Variants in TNRC6C observed in about 807,000 individuals in gnomAD.
TNRC6C encodes the protein trinucleotide repeat-containing gene 6C protein.
Under a neutral mutation model 153.7 loss-of-function variants are expected in TNRC6C, and 20 were observed. That is an observed-to-expected ratio of 0.13 (90% CI 0.09 to 0.19). TNRC6C has a LOEUF of 0.19. Among genes scored for constraint, TNRC6C ranks in the 10% least tolerant of loss-of-function variants. TNRC6C has a pLI of 1.00. For synonymous variants in TNRC6C, 811 were observed against 841.4 expected (o/e 0.96, Z 0.63); for missense variants, 1,987 against 2,172.0 (o/e 0.91, Z 1.69).
At chr17:77,967,610 A>G (rs1314775619) in intron 1 of TNRC6C, among the ~76,000 whole-genome samples, 1 of 152,188 alleles carries the variant, frequency 6.6e-6, no homozygotes, top group African/African-American at 2.4e-5. Flanking sequence ...AGGAGTGGCT[A>G]GTTCCTTTTC....
intron 13 of TNRC6C, among the ~76,000 whole-genome samples, chr17:78,088,959 CTTTTTTTTTTTTTTTT>C (rs59304499): frequency 2.3e-5 from 2 of 86,758 alleles, no homozygotes; most frequent in African/African-American, 4.3e-5. Flanking sequence ...CTTATCGTTA[CTTTTTTTTTTTTTTTT>C]TTTTTTTTTT....
chr17:78,045,970 C>T (rs538995800), intron 2 of TNRC6C, among the ~76,000 whole-genome samples: 36 of 151,926 alleles, frequency 2.4e-4, no homozygotes, highest in Admixed American at 1.3e-3. Context: ...GGTCCCCATC[C>T]CACCCCCAGA....
At chr17:78,027,117 C>T (rs988380284) in intron 1 of TNRC6C, among the ~76,000 whole-genome samples, 11 of 151,992 alleles carry the variant, frequency 7.2e-5, no homozygotes, top group Admixed American at 5.2e-4. Flanking sequence ...CAGGAGTGGC[C>T]GTCGCTGATA....
intron 1 of TNRC6C, among the ~76,000 whole-genome samples, chr17:78,015,789 G>T (rs1191759391): frequency 6.6e-6 from 1 of 152,116 alleles, no homozygotes; most frequent in Non-Finnish European, 1.5e-5. Context: ...GTGGGCGCCT[G>T]TGATCCCAGC....
In TNRC6C at chr17:78,079,510, G is replaced by A. The variant is rs1042346737; in HGVS notation, c.3326G>A (p.Arg1109His). The change falls in exon 10 of 20, where the codon CGT becomes CAT. Residue 1109 changes from arginine to histidine, a missense_variant. Arg to His is a conservative substitution (Grantham distance 29, BLOSUM62 0). This residue lies in a region of TNRC6C where 765 missense variants were observed against 908.6 expected (regional missense o/e 0.84). Coordinates refer to ENST00000301624, the Ensembl canonical transcript of TNRC6C. This position sits in a 1 kb window ranked among gnomAD's most constrained non-coding sequence, Gnocchi z 4.3. The stretch of plus-strand genomic sequence containing the variant: ...CTTAACTCTTCCCAGCCCAGTCTCC[G>A]TGCTCAAGTGCCTCAGTTTCTATCC... The A allele has an allele frequency of 2.5e-6, 4 of 1,613,792 alleles. No individual in the cohort carries two copies. The highest frequency in any genetic ancestry group is 1.1e-5 in the South Asian group (1 of 91,076).
At chr17:77,991,958 G>C (rs2071257715) in intron 1 of TNRC6C, among the ~76,000 whole-genome samples, 1 of 152,190 alleles carries the variant, frequency 6.6e-6, no homozygotes, top group Non-Finnish European at 1.5e-5. Flanking sequence ...GAGGTCCTCT[G>C]AGCTTCATCC....
intron 1 of TNRC6C, among the ~76,000 whole-genome samples, chr17:77,963,160 T>C (rs1191797485): frequency 6.6e-6 from 1 of 152,246 alleles, no homozygotes; most frequent in Admixed American, 6.5e-5. Flanking sequence ...TTTCAGCTTA[T>C]ACATAACTTT....
chr17:78,054,447 GACTACTGTAT>G (rs1567940890), intron 3 of TNRC6C, among the ~76,000 whole-genome samples: 7 of 151,336 alleles, frequency 4.6e-5, no homozygotes, highest in Non-Finnish European at 2.9e-5. Context: ...AACCACTGCA[GACTACTGTAT>G]ACTACTGCAG....
intron 1 of TNRC6C, among the ~76,000 whole-genome samples, chr17:77,994,426 C>A (rs982474913): frequency 3.9e-5 from 6 of 152,116 alleles, no homozygotes; most frequent in African/African-American, 1.4e-4. Flanking sequence ...CCTGCTCTCC[C>A]AAATTAAAAT....
intron 1 of TNRC6C, among the ~76,000 whole-genome samples, chr17:78,020,513 A>C (rs752207850): frequency 6.6e-6 from 1 of 152,250 alleles, no homozygotes; most frequent in South Asian, 2.1e-4. Flanking sequence ...GTAATTATTT[A>C]GCGGTTTCTG....
exon 2 of TNRC6C, chr17:78,031,685 C>G: frequency 8.1e-7 from 1 of 1,232,346 alleles, no homozygotes; most frequent in Non-Finnish European, 1.0e-6. Context: ...CACGCTTCCG[C>G]CAGCAAGAAC....
At chr17:77,995,449 CAG>C (rs2071313780) in intron 1 of TNRC6C, among the ~76,000 whole-genome samples, 1 of 152,218 alleles carries the variant, frequency 6.6e-6, no homozygotes, top group East Asian at 1.9e-4. Flanking sequence ...TTAAAGGTCA[CAG>C]ATCCATTTTC....
At chr17:78,088,998 T>G (rs2073348518) in intron 13 of TNRC6C, among the ~76,000 whole-genome samples, 1 of 146,876 alleles carries the variant, frequency 6.8e-6, no homozygotes, top group Non-Finnish European at 1.5e-5. Flanking sequence ...GATAGAGTCT[T>G]GCTCTGTTGC....
intron 1 of TNRC6C, among the ~76,000 whole-genome samples, chr17:77,962,016 A>G (rs755874890): frequency 6.6e-6 from 1 of 152,178 alleles, no homozygotes; most frequent in Non-Finnish European, 1.5e-5. Context: ...TTGGAAAGAA[A>G]TGGAAGACAC....
intron 1 of TNRC6C, among the ~76,000 whole-genome samples, chr17:77,985,075 A>G (rs2071142843): frequency 6.6e-6 from 1 of 152,236 alleles, no homozygotes; most frequent in African/African-American, 2.4e-5. Flanking sequence ...GTTGCTGTCT[A>G]AAGCTACGCC....
intron 18 of TNRC6C, 74 bp from the exon 22 acceptor site, chr17:78,103,340 G>GT (rs1224170784): frequency 6.8e-5 from 106 of 1,562,170 alleles, no homozygotes; most frequent in Non-Finnish European, 8.3e-5. Flanking sequence ...AATTTCATAC[G>GT]TTTTTTCTTT....
intron 1 of TNRC6C, among the ~76,000 whole-genome samples, chr17:78,030,313 C>T (rs1567924136): frequency 1.4e-5 from 2 of 142,994 alleles, no homozygotes; most frequent in Non-Finnish European, 3.1e-5. Flanking sequence ...CCACACCTGG[C>T]TTGTGTGTGT....
intron 14 of TNRC6C, 68 bp downstream of exon 16, chr17:78,091,675 A>G (rs2073397034): frequency 7.6e-7 from 1 of 1,320,784 alleles, no homozygotes. Flanking sequence ...CCTGTTGTAT[A>G]GCATGGCCAT....
intron 1 of TNRC6C, among the ~76,000 whole-genome samples, chr17:78,027,285 A>G (rs1402382629): frequency 2.0e-5 from 3 of 152,148 alleles, no homozygotes; most frequent in Non-Finnish European, 2.9e-5. Flanking sequence ...CTGGAGGAGA[A>G]TGTGGAGTCC....
Sources: allele counts gnomAD v4.1 joint callset (sites outside exome capture counted in the v4.1 genomes callset), GRCh38; gene constraint gnomAD v4.1.1; regional missense constraint gnomAD v4.1.1; non-coding constraint Gnocchi (gnomAD v3.1); transcripts MANE v1.5; gene names NCBI Gene and HGNC (gene_info 2026-07-23, HGNC 2026-07-21).